Variants in ATG5 observed in about 807,000 individuals in gnomAD.
ATG5 encodes the protein autophagy protein 5.
ATG5 carries 14 observed loss-of-function variants against 36.5 expected under a neutral mutation model. The ratio of observed to expected loss-of-function variants is 0.38; its 90% CI spans 0.25 to 0.60. The LOEUF (loss-of-function observed/expected upper bound fraction) is 0.60. ATG5 is among the 20% of genes least tolerant of loss of function. ATG5 has a pLI of 0.60. For missense variants in ATG5, 195 were observed against 326.7 expected (o/e 0.60, Z 3.11); for synonymous variants, 95 against 101.5 (o/e 0.94, Z 0.38).
At chr6:106,275,462 T>C (rs773784535) in intron 5 of ATG5, among the ~76,000 whole-genome samples, 43 of 152,310 alleles carry the variant, frequency 2.8e-4, no homozygotes, top group Middle Eastern at 3.4e-3. Flanking sequence ...AGCTTATTCA[T>C]AATCATCACA....
At chr6:106,306,548 C>A (rs576565625) in intron 3 of ATG5, among the ~76,000 whole-genome samples, 1 of 152,252 alleles carries the variant, frequency 6.6e-6, no homozygotes, top group South Asian at 2.1e-4. Context: ...GGTAGCCCAC[C>A]ACAACAAAGA....
chr6:106,296,519 T>C (rs1033311262), intron 3 of ATG5, among the ~76,000 whole-genome samples: 1 of 152,102 alleles, frequency 6.6e-6, no homozygotes. Flanking sequence ...TTCAATAAAG[T>C]GTAAAATAAG....
chr6:106,262,504 T>C (rs1779060916), intron 5 of ATG5, among the ~76,000 whole-genome samples: 1 of 152,066 alleles, frequency 6.6e-6, no homozygotes, highest in Admixed American at 6.5e-5. Flanking sequence ...CATCTAAAGT[T>C]TTCCATTCTC....
intron 5 of ATG5, among the ~76,000 whole-genome samples, chr6:106,262,931 C>A (rs191080215): frequency 5.3e-4 from 80 of 152,348 alleles, no homozygotes; most frequent in Non-Finnish European, 4.0e-4. Flanking sequence ...TTTGGGCAGA[C>A]ACCGAGCTAG....
intron 6 of ATG5, among the ~76,000 whole-genome samples, chr6:106,242,877 CA>C (rs1778183561): frequency 6.6e-6 from 1 of 152,138 alleles, no homozygotes; most frequent in African/African-American, 2.4e-5. Flanking sequence ...ACTGAAAAGG[CA>C]AAATTATAAT....
intron 5 of ATG5, among the ~76,000 whole-genome samples, chr6:106,269,321 T>A (rs1253268009): frequency 6.6e-6 from 1 of 152,232 alleles, no homozygotes; most frequent in Non-Finnish European, 1.5e-5. Flanking sequence ...ATAAAGGTTC[T>A]CCACGTCCCC....
chr6:106,215,582 A>G (rs1053550353), intron 6 of ATG5, among the ~76,000 whole-genome samples: 1 of 152,186 alleles, frequency 6.6e-6, no homozygotes, highest in Non-Finnish European at 1.5e-5. Context: ...TCTGATCAAC[A>G]AATTTTAAAA....
At chr6:106,271,715 A>G (rs1779460354) in intron 5 of ATG5, 1 of 152,172 alleles carries the variant, frequency 6.6e-6, no homozygotes. Context: ...CATAAAACCA[A>G]CTGCCAAAAA....
intron 3 of ATG5, among the ~76,000 whole-genome samples, chr6:106,307,761 C>A (rs1272708289): frequency 6.6e-6 from 1 of 152,138 alleles, no homozygotes; most frequent in Non-Finnish European, 1.5e-5. Context: ...GTCTCGAACT[C>A]CTGGCCCCAG....
intron 6 of ATG5, among the ~76,000 whole-genome samples, chr6:106,245,138 C>G (rs1413083450): frequency 6.6e-6 from 1 of 152,092 alleles, no homozygotes; most frequent in Non-Finnish European, 1.5e-5. Flanking sequence ...ATGTAAATGA[C>G]AGAAATGACA....
chr6:106,233,850 C>A (rs1189213867), intron 6 of ATG5, among the ~76,000 whole-genome samples: 3 of 152,026 alleles, frequency 2.0e-5, no homozygotes, highest in Non-Finnish European at 4.4e-5. Context: ...TGCTGCTGTA[C>A]AACCAGCAGC....
intron 5 of ATG5, among the ~76,000 whole-genome samples, chr6:106,272,122 G>A (rs572060632): frequency 1.3e-5 from 2 of 152,230 alleles, no homozygotes; most frequent in South Asian, 4.1e-4. Flanking sequence ...CATCATCATA[G>A]GACACATAAT....
chr6:106,224,621 A>G (rs1056853566), intron 6 of ATG5, among the ~76,000 whole-genome samples: 3 of 152,168 alleles, frequency 2.0e-5, no homozygotes, highest in African/African-American at 7.2e-5. Context: ...CATGCCTGTA[A>G]TCCCAGCACT....
intron 4 of ATG5, 23 bp downstream of exon 4, chr6:106,293,005 A>G: frequency 6.3e-7 from 1 of 1,587,326 alleles, no homozygotes; most frequent in Non-Finnish European, 8.6e-7. Context: ...AATGGGACGA[A>G]GGAGAAATGC....
At chr6:106,270,434 A>C (rs1436665765) in intron 5 of ATG5, among the ~76,000 whole-genome samples, 1 of 152,206 alleles carries the variant, frequency 6.6e-6, no homozygotes, top group African/African-American at 2.4e-5. Context: ...GCAAATAATA[A>C]TAATAACAAA....
intron 6 of ATG5, among the ~76,000 whole-genome samples, chr6:106,247,146 A>G (rs1454435335): frequency 6.6e-6 from 1 of 152,174 alleles, no homozygotes; most frequent in Non-Finnish European, 1.5e-5. Flanking sequence ...AACTATTGGT[A>G]AAGACTGTGG....
intron 1 of ATG5, among the ~76,000 whole-genome samples, chr6:106,321,014 A>C (rs1361930790): frequency 1.3e-5 from 2 of 152,192 alleles, no homozygotes; most frequent in African/African-American, 4.8e-5. Flanking sequence ...TTGATGAAAA[A>C]TGAGGGATAA....
At chr6:106,251,320 T>C (rs147571676) in intron 5 of ATG5, among the ~76,000 whole-genome samples, 2,712 of 152,152 alleles carry the variant, frequency 0.018, 31 homozygotes, top group Non-Finnish European at 0.025. Context: ...ATATACCTCC[T>C]CCAGTGAAGT....
chr6:106,261,787 G>C (rs1779029213), intron 5 of ATG5, among the ~76,000 whole-genome samples: 1 of 152,188 alleles, frequency 6.6e-6, no homozygotes, highest in African/African-American at 2.4e-5. Flanking sequence ...CCTATTGTTA[G>C]GCTGGATGTA....
Sources: gnomAD v4.1 joint callset for allele counts (sites outside exome capture counted in the v4.1 genomes callset) on GRCh38, gnomAD v4.1.1 for gene constraint, MANE v1.5 for transcripts, NCBI Gene and HGNC (gene_info 2026-07-23, HGNC 2026-07-21) for gene names.